IVD: variants seen among roughly 807,000 people sequenced by gnomAD.
The protein encoded by IVD is isovaleryl-CoA dehydrogenase, also known as isovaleryl-CoA dehydrogenase, mitochondrial.
In IVD, 31 loss-of-function variants were observed where a neutral mutation model predicts 51.3. The ratio of observed to expected loss-of-function variants is 0.60; its 90% CI spans 0.45 to 0.81. The LOEUF (loss-of-function observed/expected upper bound fraction) is 0.81, where lower values mean the gene tolerates loss of function less well. Among genes scored for constraint, IVD ranks in the 40% least tolerant of loss-of-function variants. IVD has a pLI of 0.00. For synonymous variants in IVD, 205 were observed against 219.4 expected, an observed-to-expected ratio of 0.93 and a Z score of 0.58; for missense variants, 475 against 552.0, an observed-to-expected ratio of 0.86 and a Z score of 1.40.
downstream of IVD, among the ~76,000 whole-genome samples, chr15:40,422,688 A>G (rs144100152): frequency 2.4e-3 from 332 of 136,060 alleles, 3 homozygotes; most frequent in Admixed American, 0.018. Flanking sequence ...CAACCTCCAC[A>G]TCTAGGGTTC....
In IVD at chr15:40,410,610, G is replaced by A; in HGVS notation, c.287-18G>A. ...TCTGGGCTGCGTTTTCCACTCCCTTGTACCACACCACTCACAGTTCAGTAT... is the reference window on the plus strand; with the variant it reads ...TCTGGGCTGCGTTTTCCACTCCCTTATACCACACCACTCACAGTTCAGTAT... On this transcript the variant is annotated intron_variant, in intron 3 of 11. Transcript: ENST00000487418. 1 of 1,614,048 alleles carries A rather than the reference G, an allele frequency of 6.2e-7. No individual in the cohort carries two copies. The highest frequency in any genetic ancestry group is 1.1e-5 in the South Asian group (1 of 91,074).
downstream of IVD, chr15:40,424,273 T>C (rs1381195206): frequency 5.1e-6 from 5 of 983,808 alleles, no homozygotes. Flanking sequence ...GGCCTTCCCC[T>C]TCTGCTGCTT....
chr15:40,423,649 A>G (rs2141405195), downstream of IVD, among the ~76,000 whole-genome samples: 1 of 152,056 alleles, frequency 6.6e-6, no homozygotes, highest in East Asian at 1.9e-4. Flanking sequence ...TTTAGTAGAG[A>G]CAGGGTTTCA....
At position 40,420,700 on chromosome 15, in the gene IVD, A is replaced by G; in HGVS notation, c.*2437A>G. 1.0e-6 allele frequency: 1 copy of G among 986,620 alleles called. No homozygotes were observed. The highest frequency in any genetic ancestry group is 1.2e-6 in the Non-Finnish European group (1 of 830,100). 61.1% of individuals were successfully genotyped at this position (986,620 alleles called of 1,614,324 possible). On this transcript the variant is annotated 3_prime_UTR_variant, in exon 12 of 12. Transcript: ENST00000487418. ...CAGAAGGAAGCTTATAGATTTCTGA[A>G]AACCGCCCCTTTGTTTTTAAAAAGA...
chr15:40,416,102 A>G lies in IVD; in HGVS notation c.985A>G (p.Met329Val). 1 of 1,614,230 alleles carries G rather than the reference A, an allele frequency of 6.2e-7. No individual in the cohort carries two copies. The highest frequency in any genetic ancestry group is 8.5e-7 in the Non-Finnish European group (1 of 1,180,022). Reference protein sequence around the residue: ...FQLMQGKMADMYTRLMACRQY... With the variant: ...FQLMQGKMADVYTRLMACRQY... ...GTTGATGCAGGGGAAGATGGCTGAC[A>G]TGTACACCCGCCTCATGGCGTGTCG... The change falls in exon 10 of 12, where the codon ATG (methionine) becomes GTG (valine). Residue 329 changes from methionine (M) to valine (V), a missense_variant. Transcript: ENST00000487418.
intron 9 of IVD, 100 bp from the exon 10 acceptor site, chr15:40,415,978 G>A: frequency 9.9e-7 from 1 of 1,010,150 alleles, no homozygotes. Flanking sequence ...CCATGCCCCT[G>A]CTTCCTCATC....
chr15:40,421,977 C>T (rs1305816722), downstream of IVD, among the ~76,000 whole-genome samples: 1 of 152,246 alleles, frequency 6.6e-6, no homozygotes, highest in Non-Finnish European at 1.5e-5. Flanking sequence ...CCATCTGTCG[C>T]GACCCCCAGC....
intron 7 of IVD, among the ~76,000 whole-genome samples, chr15:40,414,240 T>A (rs1421550985): frequency 6.6e-6 from 1 of 152,188 alleles, no homozygotes; most frequent in Admixed American, 6.5e-5. Context: ...CCCAAAAAAG[T>A]GTACTTTAAT....
At chr15:40,429,557 C>T (rs1321448556) in intron 7 of IVD, among the ~76,000 whole-genome samples, 1 of 152,228 alleles carries the variant, frequency 6.6e-6, no homozygotes, top group African/African-American at 2.4e-5. Flanking sequence ...TTGCACTTGG[C>T]TCAGTGGAGG....
chr15:40,411,138 G>C, intron 4 of IVD, 122 bp from the exon 5 acceptor site: 4 of 967,164 alleles, frequency 4.1e-6, no homozygotes, highest in Non-Finnish European at 5.1e-6. Flanking sequence ...GGACTTTACC[G>C]ACACCCTGGT....
chr15:40,414,562 A>G, intron 7 of IVD: 1 of 340,772 alleles, frequency 2.9e-6, no homozygotes, highest in Non-Finnish European at 5.8e-6. Context: ...CTGTGTAGAA[A>G]GAGTCAGGGA....
chr15:40,420,727 C>G lies in IVD; in HGVS notation c.*2464C>G. On this transcript the variant is annotated 3_prime_UTR_variant, in exon 12 of 12. Transcript: ENST00000487418. ...ACCGCCCCTTTGTTTTTAAAAAGATCAACACAATTTGACTTTCTCAAGGTC... is the reference window on the plus strand; with the variant it reads ...ACCGCCCCTTTGTTTTTAAAAAGATGAACACAATTTGACTTTCTCAAGGTC... 1 of 985,962 alleles carries G rather than the reference C, an allele frequency of 1.0e-6. No individual in the cohort carries two copies. Among genetic ancestry groups the G allele is most frequent in the Non-Finnish European group, 1.2e-6 (1 of 830,120 alleles). The allele number at this position is 985,962 out of a possible 1,614,324, so 61.1% of individuals were successfully genotyped here. A position where few individuals can be genotyped will look rare whatever the true frequency, so the allele number is the denominator to read the frequency against.
At chr15:40,433,590 G>T (rs117279576) in intron 7 of IVD, among the ~76,000 whole-genome samples, 1 of 152,256 alleles carries the variant, frequency 6.6e-6, no homozygotes, top group Non-Finnish European at 1.5e-5. Flanking sequence ...AAGTGTTCTG[G>T]TAACAGTAAA....
chr15:40,407,870 G>C (rs890001327), intron 2 of IVD, 69 bp from the exon 3 acceptor site: 1 of 1,540,538 alleles, frequency 6.5e-7, no homozygotes, highest in Non-Finnish European at 9.0e-7. Flanking sequence ...GGGTCTCATT[G>C]TTCCAGCCAC....
At chr15:40,417,025 C>T (rs1424919777) in intron 11 of IVD, among the ~76,000 whole-genome samples, 1 of 151,454 alleles carries the variant, frequency 6.6e-6, no homozygotes, top group African/African-American at 2.4e-5. Context: ...CATGGTGAAA[C>T]CCTGTTTCTA....
At position 40,420,229 on chromosome 15, in the gene IVD, T is replaced by A. The variant is rs1892171557; in HGVS notation, c.*1966T>A. 4 of 986,818 alleles carry A rather than the reference T, an allele frequency of 4.1e-6. No homozygotes were observed. The South Asian group carries it at 1.9e-4, about 46-fold the overall frequency. 61.1% of individuals were successfully genotyped at this position (986,818 alleles called of 1,614,324 possible). On this transcript the variant is annotated 3_prime_UTR_variant, in exon 12 of 12. Transcript: ENST00000487418. ...CTCCTGTACAGCACCTCTGAGCCCTTGTGCACCGCCCTGCCACGGGCACCA... is the reference window on the plus strand; with the variant it reads ...CTCCTGTACAGCACCTCTGAGCCCTAGTGCACCGCCCTGCCACGGGCACCA...
At position 40,420,057 on chromosome 15, in the gene IVD, C is replaced by T. The variant is rs1403890291; in HGVS notation, c.*1794C>T. On this transcript the variant is annotated 3_prime_UTR_variant, in exon 12 of 12. Coordinates refer to ENST00000487418, the MANE Select transcript of IVD (RefSeq NM_002225.5). ...AGGCAGAGGTTGCAGGAGCTGAGAT[C>T]GCGCCATTGCACTCCAGCCTGGGCA... The T allele has an allele frequency of 1.3e-5, 11 of 824,898 alleles. No homozygotes were observed. The highest frequency in any genetic ancestry group is 1.8e-5 in the African/African-American group (1 of 54,300). The allele number at this position is 824,898 out of a possible 1,614,324, so 51.1% of individuals were successfully genotyped here.
Position 40,420,620 on chromosome 15 carries a change from T to C in IVD, c.*2357T>C, listed in dbSNP as rs1892213099. The C allele has an allele frequency of 3.5e-5, 35 of 987,322 alleles. No homozygotes were observed. Among genetic ancestry groups the C allele is most frequent in the Non-Finnish European group, 4.2e-5 (35 of 830,098 alleles). The allele number at this position is 987,322 out of a possible 1,614,324, so 61.2% of individuals were successfully genotyped here. ...GAGGTCTCAGCCTCCCTTTCCCAGATCTCCCAGTGAGTTTTAAAGGAAGCA... is the reference window on the plus strand; with the variant it reads ...GAGGTCTCAGCCTCCCTTTCCCAGACCTCCCAGTGAGTTTTAAAGGAAGCA... On this transcript the variant is annotated 3_prime_UTR_variant, in exon 12 of 12. Coordinates refer to ENST00000487418, the MANE Select transcript of IVD (RefSeq NM_002225.5).
intron 8 of IVD, 141 bp downstream of exon 8, chr15:40,415,123 A>G (rs1891515696): frequency 2.1e-6 from 2 of 941,370 alleles, no homozygotes; most frequent in Admixed American, 4.7e-5. Context: ...GATGAAAGGA[A>G]CCTCCTCTTC....
Sources: gnomAD v4.1 joint callset for allele counts (sites outside exome capture counted in the v4.1 genomes callset) on GRCh38, gnomAD v4.1.1 for gene constraint, MANE v1.5 for transcripts, NCBI Gene and HGNC (gene_info 2026-07-23, HGNC 2026-07-21) for gene names.